The following DNHD1 variants were observed in gnomAD, a reference collection of about 807,000 sequenced individuals.
DNHD1 encodes the protein dynein heavy chain domain-containing protein 1.
DNHD1 carries 383 observed loss-of-function variants against 458.1 expected under a neutral mutation model. That is an observed-to-expected ratio of 0.84 (90% CI 0.77 to 0.91). The LOEUF is 0.91. DNHD1 is among the 40% of genes least tolerant of loss of function. The probability of loss-of-function intolerance (pLI) is 0.00; values close to 1 mark genes in which losing one functional copy is unlikely to be tolerated. For missense variants in DNHD1, 5,336 were observed against 5,866.1 expected, an observed-to-expected ratio of 0.91 and a Z score of 2.95; for synonymous variants, 2,203 against 2,376.9, an observed-to-expected ratio of 0.93 and a Z score of 2.13.
In DNHD1 at chr11:6,535,359, C is replaced by T. The variant is rs969505764; in HGVS notation, c.2998+1186C>T. On this transcript the variant is annotated intron_variant, in intron 14 of 42. Coordinates refer to ENST00000254579, the MANE Select transcript of DNHD1 (RefSeq NM_144666.3). Reference sequence around the variant, plus strand: ...TGAAGAGGACATGAAGCAAAGAAACCCCAGTAGCAAGAAGCCACATTGTGC... The same window carrying T: ...TGAAGAGGACATGAAGCAAAGAAACTCCAGTAGCAAGAAGCCACATTGTGC... Among the ~76,000 whole-genome samples the T allele has an allele frequency of 3.9e-5, 6 of 152,194 alleles. No individual in the cohort carries two copies. The East Asian group carries it at 9.7e-4, about 25-fold the overall frequency.
chr11:6,568,014 G>A, intron 36 of DNHD1, 42 bp from the exon 37 acceptor site: 1 of 1,524,710 alleles, frequency 6.6e-7, no homozygotes, highest in Non-Finnish European at 8.8e-7. Flanking sequence ...GTCACCCTAG[G>A]ATCACTTTGA....
In DNHD1 at chr11:6,564,913, G is replaced by T. The variant is rs1853665144; in HGVS notation, c.10756+109G>T. The T allele has an allele frequency of 5.1e-6, 5 of 982,016 alleles. No individual in the cohort carries two copies. In the South Asian group the frequency reaches 7.4e-5, roughly 14 times the overall value. 60.8% of individuals were successfully genotyped at this position (982,016 alleles called of 1,614,324 possible). A position where few individuals can be genotyped will look rare whatever the true frequency, so the allele number is the denominator to read the frequency against. The stretch of plus-strand genomic sequence containing the variant: ...GAGGACACTGTATTTTTGTGATCAG[G>T]ATGTCCCAGATTTCACCAGCCTATA... On this transcript the variant is annotated intron_variant, in intron 32 of 42. Coordinates refer to ENST00000254579, the MANE Select transcript of DNHD1 (RefSeq NM_144666.3).
In DNHD1 at chr11:6,498,934, T is replaced by A. The variant is rs2555158; in HGVS notation, c.719T>A (p.Val240Glu). Residue 240 changes from valine (V) to glutamate (E), a missense_variant, in exon 3 of 43, where the codon GTG becomes GAG. By Grantham distance (121) the Val-to-Glu change is moderately radical. Around this residue, in one of 4 missense-constraint regions of DNHD1, gnomAD observed 3,932 missense variants for 4,365.6 expected, o/e 0.90. Transcript: ENST00000254579. ...AGCAGTGACACTGACAATGCAGAGGTGGAGCCTGTTGGAAGAAAAGAGACC... is the reference window on the plus strand; with the variant it reads ...AGCAGTGACACTGACAATGCAGAGGAGGAGCCTGTTGGAAGAAAAGAGACC... Reference protein sequence around the residue: ...YESSDTDNAEVEPVGRKETRS... With the variant: ...YESSDTDNAEEEPVGRKETRS... The A allele has an allele frequency of 0.52, 839,282 of 1,608,342 alleles. 223,522 individuals are homozygous for A. Among genetic ancestry groups the A allele is most frequent in the African/African-American group, 0.66 (49,196 of 74,784 alleles).
At chr11:6,521,876 C>G (rs1183233164) in intron 10 of DNHD1, among the ~76,000 whole-genome samples, 1 of 152,088 alleles carries the variant, frequency 6.6e-6, no homozygotes, top group East Asian at 1.9e-4. Context: ...ACCACCATGC[C>G]TGGCTAATTT....
chr11:6,539,224 G>C lies in DNHD1; in HGVS notation c.3331G>C (p.Gly1111Arg). The C allele has an allele frequency of 6.5e-7, 1 of 1,550,170 alleles. No homozygotes were observed. Among genetic ancestry groups the C allele is most frequent in the East Asian group, 2.4e-5 (1 of 40,898 alleles). Residue 1111 changes from glycine (G) to arginine (R), a missense_variant, in exon 17 of 43, where the codon GGG (glycine) becomes CGG (arginine). Physicochemically the swap from Gly to Arg is moderately radical, Grantham distance 125. Coordinates refer to ENST00000254579, the MANE Select transcript of DNHD1 (RefSeq NM_144666.3). ...CTTGTTTTCTCTACCTCCAGCCCTT[G>C]GGCTGGGCAGTCTCCAAACTATAGA... ...LNCQCLLRAL[G>R]LGSLQTIELL...
intron 12 of DNHD1, among the ~76,000 whole-genome samples, chr11:6,529,394 A>T (rs1004413184): frequency 1.3e-5 from 2 of 152,054 alleles, no homozygotes; most frequent in African/African-American, 4.8e-5. Context: ...CAGTGTCTTT[A>T]CAGAGATTCT....
Position 6,533,705 on chromosome 11 carries a change from G to T in DNHD1, c.2530G>T (p.Val844Phe), listed in dbSNP as rs368377595. The T allele has an allele frequency of 6.4e-7, 1 of 1,550,860 alleles. No individual in the cohort carries two copies. The highest frequency in any genetic ancestry group is 8.7e-7 in the Non-Finnish European group (1 of 1,146,468). ...QKLNEANEQYVELEERMEYVR... is the reference protein window; with the variant it reads ...QKLNEANEQYFELEERMEYVR... ...GTTGAATGAAGCCAATGAACAGTAC[G>T]TCGAGCTGGAGGAGCGAATGGAATA... is the stretch of plus-strand genomic sequence containing the variant. The change falls in exon 14 of 43, where the codon GTC becomes TTC. Residue 844 changes from valine to phenylalanine, a missense_variant. Coordinates refer to ENST00000254579, the MANE Select transcript of DNHD1 (RefSeq NM_144666.3).
intron 10 of DNHD1, 118 bp from the exon 11 acceptor site, chr11:6,528,404 G>GGTGTGTGTGT (rs55919773): frequency 6.7e-4 from 591 of 881,226 alleles, no homozygotes; most frequent in African/African-American, 1.6e-3. Flanking sequence ...GCAGCGAATG[G>GGTGTGTGTGT]GTGTGTGTGT....
Position 6,511,443 on chromosome 11 carries a change from A to T in DNHD1, c.1392+14A>T. 6.2e-7 allele frequency: 1 copy of T among 1,612,650 alleles called. No homozygotes were observed. Among genetic ancestry groups the T allele is most frequent in the Non-Finnish European group, 8.5e-7 (1 of 1,179,034 alleles). On this transcript the variant is annotated intron_variant, in intron 7 of 42. Transcript: ENST00000254579. ...ATTCTTCGACTGGTAAGAGGCTCTT[A>T]GTTTATTGTGGACCTCTTCCCCAAG...
At chr11:6,523,522 C>A (rs926431395) in intron 10 of DNHD1, among the ~76,000 whole-genome samples, 1 of 152,016 alleles carries the variant, frequency 6.6e-6, no homozygotes, top group Non-Finnish European at 1.5e-5. Flanking sequence ...TCAAGGAAAC[C>A]TATAGTAAAG....
chr11:6,539,665 C>T (rs1380952542), intron 17 of DNHD1, among the ~76,000 whole-genome samples: 1 of 152,156 alleles, frequency 6.6e-6, no homozygotes, highest in Non-Finnish European at 1.5e-5. Flanking sequence ...GTGGGGGTTC[C>T]AAAGCAGTGG....
intron 28 of DNHD1, among the ~76,000 whole-genome samples, chr11:6,562,011 G>T (rs1363176948): frequency 6.6e-6 from 1 of 152,222 alleles, no homozygotes; most frequent in Non-Finnish European, 1.5e-5. Flanking sequence ...CAGCCAGGCT[G>T]CAGTGGGGGA....
chr11:6,570,994 G>GT lies in DNHD1; in HGVS notation c.13484dup (p.Leu4495PhefsTer10). ...AGACCGAGGCTCTAGAACTGAGCCA[G>GT]TTGGTGGGCACGCTACAACGCGACC... is the stretch of plus-strand genomic sequence containing the variant. On this transcript the variant is annotated frameshift_variant, in exon 42 of 43. Transcript: ENST00000254579. LOFTEE classifies it high-confidence loss of function. The GT allele has an allele frequency of 6.2e-7, 1 of 1,601,986 alleles. No homozygotes were observed. The highest frequency in any genetic ancestry group is 8.5e-7 in the Non-Finnish European group (1 of 1,171,348).
At chr11:6,568,364 C>A in intron 37 of DNHD1, 90 bp from the exon 38 acceptor site, 2 of 1,582,614 alleles carry the variant, frequency 1.3e-6, no homozygotes, top group Non-Finnish European at 8.6e-7. Flanking sequence ...TTGTATCTGA[C>A]TCCTGACACC....
intron 10 of DNHD1, among the ~76,000 whole-genome samples, chr11:6,527,754 G>T (rs17244697): frequency 0.17 from 25,970 of 152,190 alleles, 2,353 homozygotes; most frequent in Middle Eastern, 0.24. Flanking sequence ...GAGTACTACA[G>T]GGTTTGGGTG....
At chr11:6,566,441 G>GCCCTCAGCACCAGCCCTAAGCACCA (rs1348277655) in intron 34 of DNHD1, 48 bp downstream of exon 34, 9 of 1,551,496 alleles carry the variant, frequency 5.8e-6, no homozygotes, top group Non-Finnish European at 7.8e-6. Context: ...GGACACACTA[G>GCCCTCAGCACCAGCCCTAAGCACCA]GCCCTCAGCA....
rs1416684138 is a variant in DNHD1 at position 6,544,185 on chromosome 11, C to A, written c.3693C>A (p.Ile1231=). 3 of 1,551,562 alleles carry A rather than the reference C, an allele frequency of 1.9e-6. No individual in the cohort carries two copies. Among genetic ancestry groups the A allele is most frequent in the Non-Finnish European group, 2.6e-6 (3 of 1,146,946 alleles). The stretch of plus-strand genomic sequence containing the variant: ...AGGTGTTGTCCAAGATCTTGGCCAT[C>A]GAAAAGTCAGGAGATTTAAACAAAA... ...SLQVLSKILA[I]EKSGDLNKIA... Residue 1231 remains isoleucine (I), a synonymous_variant, in exon 19 of 43, where the codon ATC becomes ATA. Transcript: ENST00000254579.
At position 6,529,127 on chromosome 11, in the gene DNHD1, T is replaced by G; in HGVS notation, c.2347+6T>G. ...TGATGTACAGGCAGAGATGGGTGAG[T>G]ACTGCTTCTCTTCCCTCTCCTCCTT... On this transcript the variant is annotated splice_donor_region_variant and intron_variant, in intron 12 of 42. Transcript: ENST00000254579. The G allele has an allele frequency of 6.5e-7, 1 of 1,549,784 alleles. No individual in the cohort carries two copies. The highest frequency in any genetic ancestry group is 1.2e-5 in the South Asian group (1 of 83,984).
chr11:6,556,636 CAT>C, intron 24 of DNHD1, 45 bp from the exon 25 acceptor site: 5 of 1,476,392 alleles, frequency 3.4e-6, no homozygotes, highest in South Asian at 1.3e-5. Context: ...TTGATACTCT[CAT>C]GTGGACTTTT....
Sources: allele counts gnomAD v4.1 joint callset (sites outside exome capture counted in the v4.1 genomes callset), GRCh38; gene constraint gnomAD v4.1.1; regional missense constraint gnomAD v4.1.1; transcripts MANE v1.5; gene names NCBI Gene and HGNC (gene_info 2026-07-23, HGNC 2026-07-21).